Variants in TMEM144 observed in about 807,000 individuals in gnomAD.
The protein encoded by TMEM144 is transmembrane protein 144.
TMEM144 carries 39 observed loss-of-function variants against 43.6 expected under a neutral mutation model. That is an observed-to-expected ratio of 0.90 (90% CI 0.69 to 1.17). The LOEUF (loss-of-function observed/expected upper bound fraction) is 1.17, where lower values mean the gene tolerates loss of function less well. Among genes scored for constraint, TMEM144 ranks in the 50% most tolerant of loss-of-function variants. The pLI is 0.00. For missense variants in TMEM144, 417 were observed against 411.9 expected (o/e 1.01, Z -0.11); for synonymous variants, 154 against 133.6 (o/e 1.15, Z -1.06).
intron 6 of TMEM144, among the ~76,000 whole-genome samples, chr4:158,222,031 C>A (rs538157312): frequency 8.5e-5 from 13 of 152,326 alleles, no homozygotes; most frequent in African/African-American, 3.1e-4. Flanking sequence ...AAATTCAAAA[C>A]CTGTCATCTT....
intron 8 of TMEM144, 43 bp downstream of exon 8, chr4:158,235,548 T>G: frequency 6.4e-7 from 1 of 1,562,174 alleles, no homozygotes; most frequent in Non-Finnish European, 8.7e-7. Context: ...CTGTTTCATA[T>G]TTGGTTAAAG....
At position 158,244,278 on chromosome 4, in the gene TMEM144, T is replaced by A. The variant is rs75253435; in HGVS notation, c.901-18T>A. The stretch of plus-strand genomic sequence containing the variant: ...AGGTAAATATCCAATTTAATTAAAA[T>A]TTATATTTTTATTTAAGGGTCCAGG... On this transcript the variant is annotated intron_variant, in intron 11 of 12. Transcript: ENST00000296529. 2.1e-5 allele frequency: 32 copies of A among 1,551,968 alleles called. No homozygotes were observed. Among genetic ancestry groups the A allele is most frequent in the Non-Finnish European group, 2.8e-5 (32 of 1,139,090 alleles).
intron 12 of TMEM144, 65 bp from the exon 13 acceptor site, chr4:158,253,379 G>A (rs1368491842): frequency 7.3e-7 from 1 of 1,372,574 alleles, no homozygotes; most frequent in South Asian, 1.2e-5. Context: ...AATCTTGAGA[G>A]TCTGTCCATT....
chr4:158,221,159 T>C (rs1159211419), intron 6 of TMEM144, among the ~76,000 whole-genome samples: 3 of 152,210 alleles, frequency 2.0e-5, no homozygotes, highest in Non-Finnish European at 4.4e-5. Flanking sequence ...ACAAAGTGTC[T>C]ATCAGTCTGT....
At chr4:158,215,988 A>G (rs143829967) in intron 4 of TMEM144, among the ~76,000 whole-genome samples, 338 of 152,330 alleles carry the variant, frequency 2.2e-3, no homozygotes, top group Non-Finnish European at 3.7e-3. Context: ...AAAAAAATTA[A>G]AATGAAAATT....
intron 1 of TMEM144, chr4:158,211,157 T>G (rs889058954): frequency 6.6e-6 from 1 of 152,218 alleles, no homozygotes; most frequent in African/African-American, 2.4e-5. Flanking sequence ...TGCTCTGAAA[T>G]GTACAAGAGC....
intron 6 of TMEM144, among the ~76,000 whole-genome samples, chr4:158,230,251 T>A (rs1379030383): frequency 2.0e-5 from 3 of 152,216 alleles, no homozygotes; most frequent in Non-Finnish European, 4.4e-5. Context: ...CCTGTGTGGC[T>A]CTCAGGTGGG....
chr4:158,214,569 T>A (rs1197599705), intron 3 of TMEM144, among the ~76,000 whole-genome samples: 1 of 152,188 alleles, frequency 6.6e-6, no homozygotes, highest in Admixed American at 6.5e-5. Context: ...TATCTTCAGA[T>A]AACTGGAAAA....
At chr4:158,223,554 CCT>C (rs1282070106) in intron 6 of TMEM144, among the ~76,000 whole-genome samples, 1 of 152,000 alleles carries the variant, frequency 6.6e-6, no homozygotes, top group Non-Finnish European at 1.5e-5. Context: ...CTTTAAGTTC[CCT>C]CCCCTTGCCC....
chr4:158,241,118 A>G (rs1435838074), intron 10 of TMEM144, among the ~76,000 whole-genome samples: 1 of 151,216 alleles, frequency 6.6e-6, no homozygotes, highest in Non-Finnish European at 1.5e-5. Flanking sequence ...TTACTTAAAT[A>G]CTACAGGTTT....
chr4:158,252,473 G>A lies in TMEM144; in HGVS notation c.955-971G>A, dbSNP rs528760490. ...TCTGCCATCCTGCAGAAAAGTGTGAGCTTTACACAATGCAAGTCTGAAATT... is the reference window on the plus strand; with the variant it reads ...TCTGCCATCCTGCAGAAAAGTGTGAACTTTACACAATGCAAGTCTGAAATT... On this transcript the variant is annotated intron_variant, in intron 12 of 12. Coordinates refer to ENST00000296529, the MANE Select transcript of TMEM144 (RefSeq NM_018342.5). 2.0e-5 allele frequency among the ~76,000 whole-genome samples: 3 copies of A among 152,224 alleles called. No homozygotes were observed. The South Asian group carries it at 6.2e-4, about 32-fold the overall frequency.
intron 12 of TMEM144, among the ~76,000 whole-genome samples, chr4:158,245,294 G>A (rs186388868): frequency 1.3e-4 from 19 of 150,250 alleles, no homozygotes; most frequent in African/African-American, 4.2e-4. Context: ...TCACTTTGCC[G>A]AGCATGGTGG....
At chr4:158,245,891 A>G (rs1037828924) in intron 12 of TMEM144, among the ~76,000 whole-genome samples, 6 of 152,066 alleles carry the variant, frequency 3.9e-5, no homozygotes, top group African/African-American at 1.2e-4. Flanking sequence ...TCATACCACT[A>G]CACTCCAATC....
chr4:158,238,023 C>G (rs969549917), intron 9 of TMEM144, among the ~76,000 whole-genome samples: 4 of 152,114 alleles, frequency 2.6e-5, no homozygotes, highest in Non-Finnish European at 5.9e-5. Flanking sequence ...TAATGTATAG[C>G]CTACTTGGTC....
At position 158,212,703 on chromosome 4, in the gene TMEM144, C is replaced by G; in HGVS notation, c.36C>G (p.Tyr12Ter). The G allele has an allele frequency of 6.2e-7, 1 of 1,613,732 alleles. No homozygotes were observed. Among genetic ancestry groups the G allele is most frequent in the Non-Finnish European group, 8.5e-7 (1 of 1,179,850 alleles). ...ATGGAGCAGACCTAACCTTTGGTTA[C>G]ATCTCCTGTTTTGTAGCTATCCTTT... Reference protein sequence around the residue: ...SNNGADLTFGYISCFVAILLF... With the variant: ...SNNGADLTFG The change falls in exon 3 of 13, where the codon TAC (tyrosine) becomes TAG (stop). Residue 12 changes from tyrosine (Y) to a stop codon, truncating the protein, a stop_gained. Transcript: ENST00000296529. LOFTEE classifies it high-confidence loss of function.
At position 158,254,448 on chromosome 4, in the gene TMEM144, T is replaced by TGG. The variant is rs1736377575; in HGVS notation, c.*921_*922insGG. The stretch of plus-strand genomic sequence containing the variant: ...ACAGGCATGCTAGTTTTTTTTTTTT[T>TGG]TTTTTTTTTTTAAGAAAACTGAAAT... On this transcript the variant is annotated 3_prime_UTR_variant, in exon 13 of 13. Coordinates refer to ENST00000296529, the MANE Select transcript of TMEM144 (RefSeq NM_018342.5). 2 of 150,666 alleles carry TGG rather than the reference T, an allele frequency of 1.3e-5. No individual in the cohort carries two copies. Among genetic ancestry groups the TGG allele is most frequent in the Admixed American group, 1.3e-4 (2 of 15,162 alleles). The allele number at this position is 150,666 out of a possible 1,614,324, so 9.3% of individuals were successfully genotyped here.
At chr4:158,219,934 A>G (rs1734428590) in intron 6 of TMEM144, among the ~76,000 whole-genome samples, 1 of 152,184 alleles carries the variant, frequency 6.6e-6, no homozygotes, top group South Asian at 2.1e-4. Flanking sequence ...GTCTAGCTGT[A>G]TGCACTCTAC....
At chr4:158,212,575 G>A (rs1009070603) in intron 2 of TMEM144, 33 bp from the exon 3 acceptor site, 23 of 893,802 alleles carry the variant, frequency 2.6e-5, no homozygotes, top group South Asian at 1.1e-4. Flanking sequence ...ACAGATTCAC[G>A]TCTCAATTGT....
rs1735639702 is a variant in TMEM144, at chr4:158,241,551, G to T, written c.845G>T (p.Trp282Leu). ...CTTTGGGCTATAGCTACCTGCTGTT[G>T]GTTCATAGCAAATCACTCTCTGAGT... Reference protein sequence around the residue: ...GVLWAIATCCWFIANHSLSAV... With the variant: ...GVLWAIATCCLFIANHSLSAV... The change falls in exon 11 of 13, where the codon TGG (tryptophan) becomes TTG (leucine). Residue 282 changes from tryptophan to leucine, a missense_variant. Coordinates refer to ENST00000296529, the MANE Select transcript of TMEM144 (RefSeq NM_018342.5). 1 of 1,613,926 alleles carries T rather than the reference G, an allele frequency of 6.2e-7. No individual in the cohort carries two copies. Among genetic ancestry groups the T allele is most frequent in the Non-Finnish European group, 8.5e-7 (1 of 1,179,854 alleles).
Sources: allele counts gnomAD v4.1 joint callset (sites outside exome capture counted in the v4.1 genomes callset), GRCh38; gene constraint gnomAD v4.1.1; transcripts MANE v1.5; gene names NCBI Gene and HGNC (gene_info 2026-07-23, HGNC 2026-07-21).